The following HIRA variants were observed in gnomAD, a reference collection of about 807,000 sequenced individuals.
The protein encoded by HIRA is histone cell cycle regulator, also known as protein HIRA.
A neutral mutation model predicts 126.6 loss-of-function variants in HIRA; 13 were observed. The ratio of observed to expected loss-of-function variants is 0.10; its 90% confidence interval spans 0.07 to 0.16. HIRA has a LOEUF of 0.16. Among genes scored for constraint, HIRA ranks in the 10% least tolerant of loss-of-function variants. The pLI is 1.00. For synonymous variants in HIRA, 511 were observed against 520.0 expected (o/e 0.98, Z 0.24); for missense variants, 834 against 1,314.4 (o/e 0.63, Z 5.65).
At chr22:19,394,023 T>TC (rs1175331139) in intron 8 of HIRA, among the ~76,000 whole-genome samples, 1 of 152,114 alleles carries the variant, frequency 6.6e-6, no homozygotes, top group East Asian at 1.9e-4. Flanking sequence ...TGCTGCCAGG[T>TC]GTGGGGACAA....
At chr22:19,419,821 A>C (rs5748195) in intron 1 of HIRA, among the ~76,000 whole-genome samples, 23,199 of 152,176 alleles carry the variant, frequency 0.15, 3,877 homozygotes, top group African/African-American at 0.42. Flanking sequence ...CTCCTGATCT[A>C]CTGCTGTGGG....
chr22:19,344,491 G>A (rs766173964), intron 24 of HIRA, among the ~76,000 whole-genome samples: 26 of 152,118 alleles, frequency 1.7e-4, no homozygotes, highest in Non-Finnish European at 3.4e-4. Context: ...TCTCTAATGA[G>A]CAAGAAAACT....
intron 13 of HIRA, among the ~76,000 whole-genome samples, chr22:19,382,252 T>C (rs1016027845): frequency 6.6e-6 from 1 of 152,088 alleles, no homozygotes; most frequent in African/African-American, 2.4e-5. Flanking sequence ...CCAGACCAGT[T>C]AGGAAGCCAC....
At chr22:19,420,423 G>A (rs950740535) in intron 1 of HIRA, among the ~76,000 whole-genome samples, 3 of 130,094 alleles carry the variant, frequency 2.3e-5, no homozygotes, top group Non-Finnish European at 4.6e-5. Context: ...CCGTGATCAC[G>A]CCACTGCACT....
Position 19,346,041 on chromosome 22 carries a change from G to A in HIRA, c.2937+5317C>T, listed in dbSNP as rs563388102. ...ATGGCAACAAGTATTTCAATAGATA[G>A]TTCAAAAAAGGGAAACACAAGCGGC... is the stretch of plus-strand genomic sequence containing the variant. On this transcript the variant is annotated intron_variant, in intron 24 of 24. Transcript: ENST00000263208. 2.6e-5 allele frequency among the ~76,000 whole-genome samples: 4 copies of A among 152,286 alleles called. No individual in the cohort carries two copies. In the South Asian group the frequency reaches 8.3e-4, roughly 32 times the overall value.
Position 19,354,134 on chromosome 22 carries a change from CAGG to C in HIRA, c.2562-19_2562-17del, listed in dbSNP as rs1556011798. ...AACCAGGTTCCTGGGGAGGCAAAGG[CAGG>C]AGCAGAGCTCAGGAAAACCAAGAGA... On this transcript the variant is annotated splice_polypyrimidine_tract_variant and intron_variant, in intron 21 of 24. Coordinates refer to ENST00000263208, the MANE Select transcript of HIRA (RefSeq NM_003325.4). The C allele has an allele frequency of 6.2e-7, 1 of 1,610,548 alleles. No homozygotes were observed. The highest frequency in any genetic ancestry group is 8.5e-7 in the Non-Finnish European group (1 of 1,178,268).
intron 13 of HIRA, among the ~76,000 whole-genome samples, chr22:19,382,564 C>T (rs776385430): frequency 5.9e-5 from 9 of 152,114 alleles, no homozygotes; most frequent in East Asian, 5.8e-4. Context: ...GTACACTGTA[C>T]GAGTGAAGGT....
chr22:19,405,703 C>T, intron 5 of HIRA, 83 bp downstream of exon 5: 8 of 1,065,488 alleles, frequency 7.5e-6, no homozygotes, highest in Non-Finnish European at 8.8e-6. Context: ...AAGGACCAAA[C>T]AGTCCCACAG....
chr22:19,420,472 A>AAAC (rs915448631), intron 1 of HIRA, among the ~76,000 whole-genome samples: 12 of 57,842 alleles, frequency 2.1e-4, no homozygotes, highest in Admixed American at 1.5e-3. Context: ...CAAAAAAAAA[A>AAAC]AAAAAAAAAC....
chr22:19,354,165 T>G, intron 21 of HIRA, 47 bp from the exon 22 acceptor site: 1 of 1,582,848 alleles, frequency 6.3e-7, no homozygotes, highest in Non-Finnish European at 8.6e-7. Flanking sequence ...CCAAGAGATC[T>G]GGTTGGCCTC....
intron 24 of HIRA, among the ~76,000 whole-genome samples, chr22:19,346,427 C>A (rs1168789903): frequency 2.0e-5 from 3 of 152,204 alleles, no homozygotes; most frequent in African/African-American, 7.2e-5. Flanking sequence ...CTCCTCTGCC[C>A]CAACATCTAG....
At chr22:19,359,276 C>G in intron 18 of HIRA, 60 bp downstream of exon 18, 1 of 1,468,970 alleles carries the variant, frequency 6.8e-7, no homozygotes, top group Non-Finnish European at 9.0e-7. Flanking sequence ...GGCCCAGGCC[C>G]AGAATGATGG....
At chr22:19,403,419 C>G (rs1365361486) in intron 5 of HIRA, among the ~76,000 whole-genome samples, 1 of 152,054 alleles carries the variant, frequency 6.6e-6, no homozygotes, top group Admixed American at 6.6e-5. Context: ...ACCATCCTGG[C>G]TAACACAGTG....
At chr22:19,384,617 G>A (rs1428019122) in intron 12 of HIRA, among the ~76,000 whole-genome samples, 5 of 151,830 alleles carry the variant, frequency 3.3e-5, no homozygotes, top group Admixed American at 1.3e-4. Flanking sequence ...CTCTGTACCC[G>A]TGAACCACAC....
chr22:19,364,575 G>C (rs1010388412), intron 15 of HIRA, among the ~76,000 whole-genome samples: 2 of 152,118 alleles, frequency 1.3e-5, no homozygotes, highest in African/African-American at 4.8e-5. Flanking sequence ...TCTGCCATTA[G>C]TGATCTTTCA....
rs138193955 is a variant in HIRA, at chr22:19,400,023, C to G, written c.398-1936G>C. 5.3e-5 allele frequency among the ~76,000 whole-genome samples: 8 copies of G among 152,276 alleles called. No individual in the cohort carries two copies. In the East Asian group the frequency reaches 1.4e-3, roughly 26 times the overall value. ...GCAGGGGAGTGCCCACATCCTAGAA[C>G]AGAGAATATGTGGTTAGGTGGGAGC... On this transcript the variant is annotated intron_variant, in intron 5 of 24. Transcript: ENST00000263208.
chr22:19,416,429 C>A (rs1401229674), intron 1 of HIRA, among the ~76,000 whole-genome samples: 3 of 151,896 alleles, frequency 2.0e-5, no homozygotes, highest in Non-Finnish European at 4.4e-5. Context: ...GCTCAAGCAA[C>A]CCTCCCACCT....
At chr22:19,423,977 C>T (rs1362522535) in intron 1 of HIRA, among the ~76,000 whole-genome samples, 2 of 152,150 alleles carry the variant, frequency 1.3e-5, no homozygotes, top group African/African-American at 4.8e-5. Flanking sequence ...CCAGGATGAA[C>T]AAGAAGTTTA....
chr22:19,366,769 TTTTTA>T (rs2088917284), intron 15 of HIRA, among the ~76,000 whole-genome samples: 1 of 152,226 alleles, frequency 6.6e-6, no homozygotes, highest in South Asian at 2.1e-4. Context: ...GATTTATTTA[TTTTTA>T]TTTTGAGACA....
Sources: gnomAD v4.1 joint callset for allele counts (sites outside exome capture counted in the v4.1 genomes callset) on GRCh38, gnomAD v4.1.1 for gene constraint, MANE v1.5 for transcripts, NCBI Gene and HGNC (gene_info 2026-07-23, HGNC 2026-07-21) for gene names.